The following GALNT11 variants were observed in gnomAD, a reference collection of about 807,000 sequenced individuals.
The protein encoded by GALNT11 is polypeptide N-acetylgalactosaminyltransferase 11, also known as UDP-GalNAc:polypeptide N-acetylgalactosaminyltransferase 11.
A neutral mutation model predicts 72.7 loss-of-function variants in GALNT11; 47 were observed. The ratio of observed to expected loss-of-function variants is 0.65; its 90% confidence interval spans 0.51 to 0.82. The LOEUF (loss-of-function observed/expected upper bound fraction) is 0.82, where lower values mean the gene tolerates loss of function less well. Ranked by LOEUF, GALNT11 falls within the 40% of genes least tolerant of loss-of-function variation. The pLI is 0.00. For synonymous variants in GALNT11, 270 were observed against 286.6 expected, an observed-to-expected ratio of 0.94 and a Z score of 0.58; for missense variants, 677 against 778.4, an observed-to-expected ratio of 0.87 and a Z score of 1.55.
intron 4 of GALNT11, chr7:152,103,504 C>T: frequency 4.6e-6 from 2 of 439,210 alleles, no homozygotes; most frequent in Non-Finnish European, 4.1e-6. Context: ...CCGTGGCTTA[C>T]TTTAAAAAAC....
At chr7:152,070,797 C>T (rs969013103) in intron 1 of GALNT11, among the ~76,000 whole-genome samples, 9 of 152,138 alleles carry the variant, frequency 5.9e-5, no homozygotes, top group Non-Finnish European at 4.4e-5. Context: ...CCAATATTCA[C>T]GTAGGTTCTT....
At chr7:152,059,572 G>A (rs1317195623) in intron 1 of GALNT11, among the ~76,000 whole-genome samples, 3 of 152,190 alleles carry the variant, frequency 2.0e-5, no homozygotes, top group Non-Finnish European at 4.4e-5. Context: ...TCCATGGGCT[G>A]CAGAATGGAC....
intron 1 of GALNT11, among the ~76,000 whole-genome samples, chr7:152,035,943 T>G (rs924947325): frequency 6.6e-6 from 1 of 152,186 alleles, no homozygotes; most frequent in Non-Finnish European, 1.5e-5. Flanking sequence ...CTCTTGATCT[T>G]CAGGGGGTGT....
At chr7:152,120,716 G>T (rs2129081523) in intron 10 of GALNT11, 115 bp from the exon 11 acceptor site, 1 of 871,994 alleles carries the variant, frequency 1.1e-6, no homozygotes, top group Non-Finnish European at 1.8e-6. Flanking sequence ...TAAGTCTAGT[G>T]CATTGGTCTG....
intron 1 of GALNT11, among the ~76,000 whole-genome samples, chr7:152,056,501 C>A (rs1408032627): frequency 6.6e-6 from 1 of 152,166 alleles, no homozygotes; most frequent in Non-Finnish European, 1.5e-5. Flanking sequence ...TAACCACTGG[C>A]AAAATCCATC....
intron 1 of GALNT11, among the ~76,000 whole-genome samples, chr7:152,091,716 A>T (rs533112563): frequency 6.6e-6 from 1 of 152,232 alleles, no homozygotes; most frequent in Non-Finnish European, 1.5e-5. Context: ...AGAGGTCATC[A>T]CATCAGTCCT....
intron 2 of GALNT11, among the ~76,000 whole-genome samples, chr7:152,096,636 A>G (rs1324660541): frequency 2.0e-5 from 3 of 150,556 alleles, no homozygotes; most frequent in Non-Finnish European, 3.0e-5. Context: ...AATTGCTTGA[A>G]CCTGGGAGGC....
chr7:152,110,705 T>C, intron 7 of GALNT11, 60 bp downstream of exon 7: 1 of 1,189,130 alleles, frequency 8.4e-7, no homozygotes, highest in Non-Finnish European at 1.2e-6. Context: ...TTTTCATCCA[T>C]GATCTCATAT....
intron 1 of GALNT11, among the ~76,000 whole-genome samples, chr7:152,065,554 T>C (rs2084259888): frequency 1.3e-5 from 2 of 152,190 alleles, no homozygotes; most frequent in African/African-American, 4.8e-5. Flanking sequence ...CTGCTGTGTT[T>C]TTCCTATCTT....
At chr7:152,090,732 A>T (rs1166084074) in intron 1 of GALNT11, among the ~76,000 whole-genome samples, 1 of 148,926 alleles carries the variant, frequency 6.7e-6, no homozygotes, top group African/African-American at 2.5e-5. Context: ...CACAAGTATC[A>T]CGTTTTCAGG....
chr7:152,078,997 G>C lies in GALNT11; in HGVS notation c.-38-15193G>C, dbSNP rs903763443. ...AGGTAGCTCCTACTCTGTCTCCCTTGCCGACTGGGAAGAATGACTCTCACG... is the reference window on the plus strand; with the variant it reads ...AGGTAGCTCCTACTCTGTCTCCCTTCCCGACTGGGAAGAATGACTCTCACG... On this transcript the variant is annotated intron_variant, in intron 1 of 11. Coordinates refer to ENST00000430044, the MANE Select transcript of GALNT11 (RefSeq NM_022087.4). Among the ~76,000 whole-genome samples, 4 of 134,538 alleles carry C rather than the reference G, an allele frequency of 3.0e-5. No homozygotes were observed. In the South Asian group the frequency reaches 8.3e-4, roughly 28 times the overall value. The allele number at this position is 134,538 out of a possible 152,430, so 88.3% of individuals were successfully genotyped here.
intron 2 of GALNT11, among the ~76,000 whole-genome samples, chr7:152,096,005 G>A (rs1378980650): frequency 6.6e-6 from 1 of 152,118 alleles, no homozygotes; most frequent in Non-Finnish European, 1.5e-5. Context: ...GCAGTTAAGA[G>A]ATCAATTTCA....
intron 1 of GALNT11, among the ~76,000 whole-genome samples, chr7:152,053,678 G>A (rs961561341): frequency 6.6e-6 from 1 of 152,152 alleles, no homozygotes; most frequent in Non-Finnish European, 1.5e-5. Context: ...AGGCCCTCAT[G>A]ATGTTGTCAG....
At chr7:152,044,268 A>G (rs183958964) in intron 1 of GALNT11, among the ~76,000 whole-genome samples, 2 of 152,234 alleles carry the variant, frequency 1.3e-5, no homozygotes, top group Admixed American at 1.3e-4. Context: ...GGGCCAAAAT[A>G]AAAGGATGGG....
At chr7:152,025,981 G>A (rs1483396546) in intron 1 of GALNT11, 97 bp downstream of exon 1, 1 of 154,644 alleles carries the variant, frequency 6.5e-6, no homozygotes, top group African/African-American at 2.4e-5. Flanking sequence ...TGGGGGCGGC[G>A]GCGGGGCAGC....
chr7:152,034,069 T>C (rs1241508372), intron 1 of GALNT11, among the ~76,000 whole-genome samples: 1 of 152,212 alleles, frequency 6.6e-6, no homozygotes, highest in African/African-American at 2.4e-5. Context: ...GAAAGGGACA[T>C]GTACCCTAGT....
chr7:152,076,076 A>C lies in GALNT11; in HGVS notation c.-38-18114A>C, dbSNP rs2084952990. Among the ~76,000 whole-genome samples the C allele has an allele frequency of 4.0e-5, 6 of 149,810 alleles. No individual in the cohort carries two copies. The South Asian group carries it at 1.3e-3, about 32-fold the overall frequency. On this transcript the variant is annotated intron_variant, in intron 1 of 11. Coordinates refer to ENST00000430044, the MANE Select transcript of GALNT11 (RefSeq NM_022087.4). ...GACTCCGTCTCAAAAAAAAAAAAAA[A>C]AAAAAAAAAAAAAAGAAGAAGAGAG...
At chr7:152,040,535 T>C (rs2082807450) in intron 1 of GALNT11, among the ~76,000 whole-genome samples, 1 of 152,200 alleles carries the variant, frequency 6.6e-6, no homozygotes. Flanking sequence ...GATCAGCCAT[T>C]TGATTCCCTT....
chr7:152,108,605 G>A (rs1211068328), intron 6 of GALNT11, among the ~76,000 whole-genome samples: 1 of 152,182 alleles, frequency 6.6e-6, no homozygotes, highest in Non-Finnish European at 1.5e-5. Context: ...ACACTGCGGT[G>A]TATTTATAGT....
Sources: allele counts gnomAD v4.1 joint callset (sites outside exome capture counted in the v4.1 genomes callset), GRCh38; gene constraint gnomAD v4.1.1; transcripts MANE v1.5; gene names NCBI Gene and HGNC (gene_info 2026-07-23, HGNC 2026-07-21).